Variants in APMAP observed in about 807,000 individuals in gnomAD.
The protein encoded by APMAP is adipocyte plasma membrane-associated protein.
A neutral mutation model predicts 43.6 loss-of-function variants in APMAP; 33 were observed. The observed-to-expected ratio is 0.76, with a 90% CI of 0.57 to 1.01. The LOEUF (loss-of-function observed/expected upper bound fraction) is 1.01, where lower values mean the gene tolerates loss of function less well. APMAP is among the 50% of genes least tolerant of loss of function. The pLI, the probability that APMAP is intolerant of heterozygous loss-of-function variation, is 0.00. For missense variants in APMAP, 498 were observed against 540.7 expected, an observed-to-expected ratio of 0.92 and a Z score of 0.78; for synonymous variants, 224 against 216.7, an observed-to-expected ratio of 1.03 and a Z score of -0.30.
chr20:24,970,100 G>T (rs1439119537), intron 6 of APMAP, 97 bp downstream of exon 6: 20 of 1,434,566 alleles, frequency 1.4e-5, no homozygotes, highest in Non-Finnish European at 1.9e-5. Context: ...TATGATGCTG[G>T]AAATACTCCC....
At chr20:24,991,398 C>T (rs2122538089) in intron 1 of APMAP, among the ~76,000 whole-genome samples, 1 of 152,254 alleles carries the variant, frequency 6.6e-6, no homozygotes, top group South Asian at 2.1e-4. Context: ...CCTTGGAAAC[C>T]CCAGTCCAGG....
Position 24,963,769 on chromosome 20 carries a change from TGA to T in APMAP, c.*42_*43del. 1.3e-6 allele frequency: 2 copies of T among 1,586,924 alleles called. No individual in the cohort carries two copies. Among genetic ancestry groups the T allele is most frequent in the Admixed American group, 1.7e-5 (1 of 59,550 alleles). ...CTGGACCAGGCCTGGTGCCTGAGTG[TGA>T]AGACTCCTGGCCTGCGTGGCAGGGG... On this transcript the variant is annotated 3_prime_UTR_variant, in exon 9 of 9. Coordinates refer to ENST00000217456, the MANE Select transcript of APMAP (RefSeq NM_020531.3).
Position 24,992,749 on chromosome 20 carries a change from T to C in APMAP, c.-61A>G, listed in dbSNP as rs968022047. 7.8e-6 allele frequency: 10 copies of C among 1,275,438 alleles called. No homozygotes were observed. The highest frequency in any genetic ancestry group is 4.6e-5 in the African/African-American group (3 of 65,348). 79.0% of individuals were successfully genotyped at this position (1,275,438 alleles called of 1,614,324 possible). On this transcript the variant is annotated 5_prime_UTR_variant, in exon 1 of 9. Transcript: ENST00000217456. Reference sequence around the variant, plus strand: ...CACACTGAGCGGCGCCGGCTCAGACTCCAGGCCCGCCCTCCCCCGTACGCG... The same window carrying C: ...CACACTGAGCGGCGCCGGCTCAGACCCCAGGCCCGCCCTCCCCCGTACGCG...
At position 24,963,607 on chromosome 20, in the gene APMAP, C is replaced by A; in HGVS notation, c.*206G>T. 1.7e-6 allele frequency: 1 copy of A among 592,698 alleles called. No individual in the cohort carries two copies. The allele number at this position is 592,698 out of a possible 1,614,324, so 36.7% of individuals were successfully genotyped here. A position where few individuals can be genotyped will look rare whatever the true frequency, so the allele number is the denominator to read the frequency against. ...TATGTTCCTCATGGCAGATATGTTACACTTCCCTCTAAACAGAAAGACAAG... is the reference window on the plus strand; with the variant it reads ...TATGTTCCTCATGGCAGATATGTTAAACTTCCCTCTAAACAGAAAGACAAG... On this transcript the variant is annotated 3_prime_UTR_variant, in exon 9 of 9. Coordinates refer to ENST00000217456, the MANE Select transcript of APMAP (RefSeq NM_020531.3).
In APMAP at chr20:24,979,675, T is replaced by C. The variant is rs549679268; in HGVS notation, c.213-793A>G. ...CTCCCTTGACCCCTGTAGTCTATTC[T>C]CAATCCAGCAGCCATGCCGGATCAT... On this transcript the variant is annotated intron_variant, in intron 2 of 8. Transcript: ENST00000217456. Among the ~76,000 whole-genome samples, 411 of 152,182 alleles carry C rather than the reference T, an allele frequency of 2.7e-3. 2 individuals carry two copies. The highest frequency in any genetic ancestry group is 9.6e-3 in the African/African-American group (400 of 41,508).
At chr20:24,985,437 A>G (rs1348996622) in intron 1 of APMAP, among the ~76,000 whole-genome samples, 1 of 152,150 alleles carries the variant, frequency 6.6e-6, no homozygotes, top group African/African-American at 2.4e-5. Context: ...TGGGCAGGAA[A>G]CAGAGCCTCC....
intron 8 of APMAP, 28 bp from the exon 9 acceptor site, chr20:24,964,050 T>C: frequency 1.2e-6 from 2 of 1,609,942 alleles, no homozygotes; most frequent in Non-Finnish European, 1.7e-6. Context: ...GCAGGGAAAG[T>C]TCACCAGCTG....
rs1185134333 is a variant in APMAP, at chr20:24,969,017, C to G, written c.916G>C (p.Asp306His). Residue 306 changes from aspartate to histidine, a missense_variant, in exon 8 of 9, where the codon GAC becomes CAC. Physicochemically the swap from Asp to His is moderately conservative, Grantham distance 81 (BLOSUM62 -1). Coordinates refer to ENST00000217456, the MANE Select transcript of APMAP (RefSeq NM_020531.3). Reference sequence around the variant, plus strand: ...CCAGAGCTGCTGGGCCGGATGTTGTCTGGAAATCCAGGCATGTTCTCCACA... The same window carrying G: ...CCAGAGCTGCTGGGCCGGATGTTGTGTGGAAATCCAGGCATGTTCTCCACA... ...LFVENMPGFP[D>H]NIRPSSSGGY... The G allele has an allele frequency of 6.2e-7, 1 of 1,613,832 alleles. No individual in the cohort carries two copies. Among genetic ancestry groups the G allele is most frequent in the Non-Finnish European group, 8.5e-7 (1 of 1,179,986 alleles).
chr20:24,969,449 C>G (rs2087978379), intron 7 of APMAP, 77 bp downstream of exon 7: 2 of 1,527,566 alleles, frequency 1.3e-6, no homozygotes, highest in African/African-American at 1.4e-5. Context: ...TCTGTCGATC[C>G]CATTTCCATG....
intron 2 of APMAP, among the ~76,000 whole-genome samples, chr20:24,979,616 T>C (rs2122514097): frequency 6.6e-6 from 1 of 152,278 alleles, no homozygotes; most frequent in African/African-American, 2.4e-5. Context: ...CAACCCTGGC[T>C]GGGGCCACCA....
chr20:24,985,322 CA>C (rs2088138264), intron 1 of APMAP, among the ~76,000 whole-genome samples: 1 of 152,152 alleles, frequency 6.6e-6, no homozygotes, highest in African/African-American at 2.4e-5. Context: ...GAAATAAAGA[CA>C]AAGGAAAGAC....
At chr20:24,966,882 C>T (rs970519270) in intron 8 of APMAP, among the ~76,000 whole-genome samples, 2 of 152,190 alleles carry the variant, frequency 1.3e-5, no homozygotes, top group Middle Eastern at 3.2e-3. Context: ...CATGCTCAGG[C>T]ATCTGCAGTG....
chr20:24,978,760 G>C lies in APMAP; in HGVS notation c.328+7C>G. Reference sequence around the variant, plus strand: ...AAGGCTCCCCCCCCACCCAAGCTTAGACTTACCCCCAATATGTGCTATGGA... The same window carrying C: ...AAGGCTCCCCCCCCACCCAAGCTTACACTTACCCCCAATATGTGCTATGGA... On this transcript the variant is annotated splice_region_variant and intron_variant, in intron 3 of 8. Transcript: ENST00000217456. 6.5e-7 allele frequency: 1 copy of C among 1,529,508 alleles called. No individual in the cohort carries two copies. Among genetic ancestry groups the C allele is most frequent in the Non-Finnish European group, 8.9e-7 (1 of 1,120,044 alleles). 94.7% of individuals were successfully genotyped at this position (1,529,508 alleles called of 1,614,324 possible). A position where few individuals can be genotyped will look rare whatever the true frequency, so the allele number is the denominator to read the frequency against.
chr20:24,978,814 A>G lies in APMAP; in HGVS notation c.281T>C (p.Leu94Pro), dbSNP rs2088075558. The change falls in exon 3 of 9, where the codon CTG (leucine) becomes CCG (proline). Residue 94 changes from leucine to proline, a missense_variant. Transcript: ENST00000217456. Reference sequence around the variant, plus strand: ...CGGTCCAACAAGTTGATTTTCAAACAGCCTTTCTGCCTGTCGCAGCTTCGT... The same window carrying G: ...CGGTCCAACAAGTTGATTTTCAAACGGCCTTTCTGCCTGTCGCAGCTTCGT... ...PNTKLRQAER[L>P]FENQLVGPES... 2 of 1,611,286 alleles carry G rather than the reference A, an allele frequency of 1.2e-6. No homozygotes were observed. Among genetic ancestry groups the G allele is most frequent in the African/African-American group, 1.3e-5 (1 of 74,400 alleles).
intron 2 of APMAP, among the ~76,000 whole-genome samples, chr20:24,983,209 A>G (rs996037341): frequency 7.9e-5 from 12 of 152,244 alleles, no homozygotes; most frequent in Non-Finnish European, 1.0e-4. Flanking sequence ...TTAACTAGGT[A>G]TAATTCTTGT....
At chr20:24,975,696 C>T (rs1434284485) in intron 3 of APMAP, among the ~76,000 whole-genome samples, 1 of 151,892 alleles carries the variant, frequency 6.6e-6, no homozygotes, top group Non-Finnish European at 1.5e-5. Flanking sequence ...ATGGAGAGGG[C>T]GAAGACTCAA....
intron 1 of APMAP, among the ~76,000 whole-genome samples, chr20:24,991,249 G>A (rs1475747095): frequency 2.0e-5 from 3 of 152,224 alleles, no homozygotes; most frequent in Admixed American, 6.5e-5. Flanking sequence ...GATTTCTGTA[G>A]GAAAGTGTTG....
chr20:24,964,894 T>C (rs1226185801), intron 8 of APMAP, among the ~76,000 whole-genome samples: 1 of 152,168 alleles, frequency 6.6e-6, no homozygotes, highest in Non-Finnish European at 1.5e-5. Context: ...TCAACAGCGA[T>C]AGATCAACTG....
chr20:24,991,782 G>A lies in APMAP; in HGVS notation c.95+812C>T, dbSNP rs1302471287. On this transcript the variant is annotated intron_variant, in intron 1 of 8. Transcript: ENST00000217456. ...GAAATTCAGGACACAGAATTGAAAA[G>A]TGAATTTTAAGTATCTTATATTGAA... is the stretch of plus-strand genomic sequence containing the variant. Among the ~76,000 whole-genome samples the A allele has an allele frequency of 2.6e-5, 4 of 152,226 alleles. No homozygotes were observed. In the East Asian group the frequency reaches 7.7e-4, roughly 29 times the overall value.
Sources: gnomAD v4.1 joint callset for allele counts (sites outside exome capture counted in the v4.1 genomes callset) on GRCh38, gnomAD v4.1.1 for gene constraint, MANE v1.5 for transcripts, NCBI Gene and HGNC (gene_info 2026-07-23, HGNC 2026-07-21) for gene names.